SHISAL1: variants seen among roughly 807,000 people sequenced by gnomAD.
SHISAL1 encodes the protein shisa like 1.
SHISAL1 carries 9 observed loss-of-function variants against 22.6 expected under a neutral mutation model. That is an observed-to-expected ratio of 0.40 (90% CI 0.24 to 0.70). SHISAL1 has a LOEUF of 0.70. SHISAL1 is among the 30% of genes least tolerant of loss of function. The pLI, the probability that SHISAL1 is intolerant of heterozygous loss-of-function variation, is 0.39. For missense variants in SHISAL1, 246 were observed against 270.6 expected (o/e 0.91, Z 0.64); for synonymous variants, 119 against 115.4 (o/e 1.03, Z -0.20).
intron 4 of SHISAL1, among the ~76,000 whole-genome samples, chr22:44,278,357 C>T (rs2055253864): frequency 6.6e-6 from 1 of 152,202 alleles, no homozygotes; most frequent in African/African-American, 2.4e-5. Context: ...GTGTGAGTTA[C>T]TACTACTTAA....
intron 4 of SHISAL1, among the ~76,000 whole-genome samples, chr22:44,259,473 TAA>T (rs35901732): frequency 2.2e-4 from 31 of 142,044 alleles, no homozygotes; most frequent in African/African-American, 7.0e-4. Context: ...TAAAAATTAT[TAA>T]AAAAAAAAAA....
At chr22:44,306,110 G>A (rs1387239993) in intron 1 of SHISAL1, among the ~76,000 whole-genome samples, 2 of 152,234 alleles carry the variant, frequency 1.3e-5, no homozygotes, top group Admixed American at 6.5e-5. Context: ...CCAGGCCTTG[G>A]GGACCAGCCA....
At chr22:44,251,121 C>G (rs766154720) in intron 4 of SHISAL1, among the ~76,000 whole-genome samples, 1 of 152,180 alleles carries the variant, frequency 6.6e-6, no homozygotes, top group Non-Finnish European at 1.5e-5. Flanking sequence ...ATTGTACTTA[C>G]TTGAATAGTT....
chr22:44,255,621 C>A (rs187416348), intron 4 of SHISAL1, among the ~76,000 whole-genome samples: 1 of 152,160 alleles, frequency 6.6e-6, no homozygotes, highest in African/African-American at 2.4e-5. Flanking sequence ...GTGGTGTCTG[C>A]GCTGGTCAGC....
intron 4 of SHISAL1, among the ~76,000 whole-genome samples, chr22:44,261,152 T>TA (rs67889344): frequency 0.26 from 36,482 of 140,396 alleles, 4,852 homozygotes; most frequent in Middle Eastern, 0.32. Flanking sequence ...CAATGACTTT[T>TA]AAAAAAAAAA....
At chr22:44,284,897 G>GCCTGCCTCCCTGCCTTCCTTCCTT (rs570595554) in intron 4 of SHISAL1, among the ~76,000 whole-genome samples, 40 of 134,594 alleles carry the variant, frequency 3.0e-4, no homozygotes, top group Admixed American at 8.8e-4. Context: ...CTGCCTTCCT[G>GCCTGCCTCCCTGCCTTCCTTCCTT]CCTTCCTTCC....
chr22:44,301,251 C>T (rs557590072), intron 1 of SHISAL1, among the ~76,000 whole-genome samples: 179 of 152,306 alleles, frequency 1.2e-3, no homozygotes, highest in African/African-American at 3.9e-3. Flanking sequence ...TGGAAATGAC[C>T]GGCCGGCAGA....
intron 4 of SHISAL1, among the ~76,000 whole-genome samples, chr22:44,264,008 C>A (rs1280496439): frequency 2.0e-5 from 3 of 152,206 alleles, no homozygotes; most frequent in Non-Finnish European, 4.4e-5. Flanking sequence ...AGCAGCTTTA[C>A]TGATGACGGC....
chr22:44,315,374 T>G (rs1569229607), upstream of SHISAL1, among the ~76,000 whole-genome samples: 1 of 152,258 alleles, frequency 6.6e-6, no homozygotes, highest in East Asian at 1.9e-4. Context: ...AGAAGCTGCT[T>G]TGGCCTGGCT....
At chr22:44,269,405 TACACACACACACCATGCCACAGACAGAAG>T (rs1569212614) in intron 4 of SHISAL1, among the ~76,000 whole-genome samples, 4 of 133,972 alleles carry the variant, frequency 3.0e-5, no homozygotes, top group East Asian at 2.2e-4. Context: ...ACCCACACAA[TACACACACACACCATGCCACAGACAGAAG>T]ACACACACAC....
At chr22:44,269,642 AACAAC>A (rs1000806723) in intron 4 of SHISAL1, among the ~76,000 whole-genome samples, 44 of 137,260 alleles carry the variant, frequency 3.2e-4, no homozygotes, top group African/African-American at 1.5e-3. Context: ...ACATGCCACA[AACAAC>A]ACACACACAA....
chr22:44,281,197 C>A (rs2147287325), intron 4 of SHISAL1, among the ~76,000 whole-genome samples: 1 of 152,272 alleles, frequency 6.6e-6, no homozygotes, highest in South Asian at 2.1e-4. Context: ...CTGTCCCAGA[C>A]CCCTAGTGCT....
rs1206793367 is a variant in SHISAL1, at chr22:44,244,097, G to A, written c.*5588C>T. On this transcript the variant is annotated 3_prime_UTR_variant, in exon 5 of 5. Transcript: ENST00000381176. ...TGAGGTATGCCACTAGCTTTAAAAC[G>A]GGAAATGGGAAAAATAGGAAGAAAC... The A allele has an allele frequency of 2.6e-5, 4 of 152,164 alleles. No individual in the cohort carries two copies. The highest frequency in any genetic ancestry group is 6.5e-5 in the Admixed American group (1 of 15,282). The allele number at this position is 152,164 out of a possible 1,614,324, so 9.4% of individuals were successfully genotyped here. A position where few individuals can be genotyped will look rare whatever the true frequency, so the allele number is the denominator to read the frequency against.
At chr22:44,253,011 A>G (rs937473161) in intron 4 of SHISAL1, among the ~76,000 whole-genome samples, 7 of 151,822 alleles carry the variant, frequency 4.6e-5, no homozygotes, top group African/African-American at 1.7e-4. Flanking sequence ...AAATAAAAAA[A>G]ATAAAAAAAA....
At chr22:44,290,294 C>T (rs987440756) in intron 3 of SHISAL1, among the ~76,000 whole-genome samples, 11 of 152,138 alleles carry the variant, frequency 7.2e-5, no homozygotes, top group African/African-American at 2.7e-4. Flanking sequence ...CTCTGGGAGG[C>T]CGAAGTGGGT....
At chr22:44,256,413 A>G (rs1000896139) in intron 4 of SHISAL1, among the ~76,000 whole-genome samples, 5 of 151,244 alleles carry the variant, frequency 3.3e-5, no homozygotes, top group South Asian at 4.2e-4. Context: ...GCAGGAGCCA[A>G]CTCCCTACAG....
upstream of SHISAL1, among the ~76,000 whole-genome samples, chr22:44,313,296 A>G (rs916551539): frequency 2.6e-5 from 4 of 152,224 alleles, no homozygotes; most frequent in African/African-American, 2.4e-5. Context: ...CTGTTGGGCA[A>G]TGGAGGTCAG....
chr22:44,256,539 G>A (rs1260836315), intron 4 of SHISAL1, among the ~76,000 whole-genome samples: 4 of 152,218 alleles, frequency 2.6e-5, no homozygotes, highest in African/African-American at 9.7e-5. Context: ...ACCCAAGGCT[G>A]AATCCCTGAT....
chr22:44,329,467 G>A, the SHISAL1 span, among the ~76,000 whole-genome samples: 29 of 151,896 alleles, frequency 1.9e-4, no homozygotes, highest in East Asian at 5.8e-4. Context: ...ACACACACGC[G>A]CGGCTCTAAG....
Sources: gnomAD v4.1 joint callset for allele counts (sites outside exome capture counted in the v4.1 genomes callset) on GRCh38, gnomAD v4.1.1 for gene constraint, MANE v1.5 for transcripts, NCBI Gene and HGNC (gene_info 2026-07-23, HGNC 2026-07-21) for gene names.